Variants in DRC11 observed in about 807,000 individuals in gnomAD.
DRC11 encodes the protein IQ and AAA domain-containing protein 1.
the DRC11 span, among the ~76,000 whole-genome samples, chr2:236,437,862 G>A: frequency 6.7e-6 from 1 of 148,216 alleles, no homozygotes; most frequent in Non-Finnish European, 1.5e-5. Flanking sequence ...AGATGAGTAG[G>A]TTGCGAAAAT....
At chr2:236,391,097 A>G in the DRC11 span, 1 of 152,254 alleles carries the variant, frequency 6.6e-6, no homozygotes, top group African/African-American at 2.4e-5. This position sits in a 1 kb window ranked among gnomAD's most constrained non-coding sequence, Gnocchi z 4.5. Flanking sequence ...TTGTGAAGTT[A>G]CTTTCATCTA....
At chr2:236,460,993 T>C in the DRC11 span, among the ~76,000 whole-genome samples, 1 of 152,178 alleles carries the variant, frequency 6.6e-6, no homozygotes, top group Non-Finnish European at 1.5e-5. The surrounding 1 kb of genome is among the most constrained non-coding windows in gnomAD (Gnocchi z 4.0). Flanking sequence ...TGACCTCAGG[T>C]GATCTGCCTG....
chr2:236,388,327 A>G, the DRC11 span, among the ~76,000 whole-genome samples: 5 of 147,302 alleles, frequency 3.4e-5, no homozygotes, highest in African/African-American at 1.2e-4. Context: ...GTCTTTTCAC[A>G]TAGTCCCATA....
chr2:236,408,471 T>G, the DRC11 span: 1 of 739,346 alleles, frequency 1.4e-6, no homozygotes, highest in Non-Finnish European at 2.5e-6. The surrounding 1 kb of genome is among the most constrained non-coding windows in gnomAD (Gnocchi z 5.5). Context: ...TGGGCTGCTC[T>G]AGCCTCTCCC....
the DRC11 span, among the ~76,000 whole-genome samples, chr2:236,389,599 G>T: frequency 2.0e-5 from 3 of 152,182 alleles, no homozygotes; most frequent in African/African-American, 7.2e-5. Context: ...TACCTCAGAT[G>T]GAAATGCAGA....
At chr2:236,368,010 C>T in the DRC11 span, 3 of 636,504 alleles carry the variant, frequency 4.7e-6, no homozygotes, top group Non-Finnish European at 8.6e-6. Flanking sequence ...GAAGTGCTCT[C>T]CCTGGTAGTA....
At chr2:236,383,764 C>T in the DRC11 span, among the ~76,000 whole-genome samples, 1 of 151,990 alleles carries the variant, frequency 6.6e-6, no homozygotes, top group Non-Finnish European at 1.5e-5. Context: ...GCTGCACCCA[C>T]TAACGCATCA....
At chr2:236,500,402 C>G in the DRC11 span, among the ~76,000 whole-genome samples, 2 of 152,046 alleles carry the variant, frequency 1.3e-5, no homozygotes, top group Admixed American at 6.6e-5. This position sits in a 1 kb window ranked among gnomAD's most constrained non-coding sequence, Gnocchi z 6.3. Context: ...AGGAGGGGTC[C>G]CGTGACACAG....
the DRC11 span, among the ~76,000 whole-genome samples, chr2:236,383,934 G>A: frequency 6.6e-6 from 1 of 150,906 alleles, no homozygotes; most frequent in Non-Finnish European, 1.5e-5. Flanking sequence ...TTGTTCTTGC[G>A]ATAGTTTACT....
the DRC11 span, among the ~76,000 whole-genome samples, chr2:236,458,994 G>A: frequency 2.6e-5 from 4 of 152,236 alleles, no homozygotes; most frequent in South Asian, 2.1e-4. Context: ...GTAGTCAGCC[G>A]AGATCGCACC....
the DRC11 span, among the ~76,000 whole-genome samples, chr2:236,469,896 G>A: frequency 6.6e-6 from 1 of 152,294 alleles, no homozygotes; most frequent in South Asian, 2.1e-4. This position sits in a 1 kb window ranked among gnomAD's most constrained non-coding sequence, Gnocchi z 5.8. Flanking sequence ...TACATCAGCT[G>A]TAGAATAATG....
the DRC11 span, among the ~76,000 whole-genome samples, chr2:236,321,656 G>T: frequency 6.6e-6 from 1 of 152,182 alleles, no homozygotes; most frequent in East Asian, 1.9e-4. Flanking sequence ...CAGAGGAGGG[G>T]CTGGCTGACA....
chr2:236,374,087 T>C, the DRC11 span, among the ~76,000 whole-genome samples: 1 of 152,292 alleles, frequency 6.6e-6, no homozygotes, highest in East Asian at 1.9e-4. Flanking sequence ...CCACTGCACA[T>C]TACCTGGCCC....
chr2:236,472,881 A>G, the DRC11 span, among the ~76,000 whole-genome samples: 14 of 152,174 alleles, frequency 9.2e-5, 1 homozygote, highest in South Asian at 1.0e-3. The surrounding 1 kb of genome is among the most constrained non-coding windows in gnomAD (Gnocchi z 4.6). Context: ...CTGTCCCCCA[A>G]TCCCATGCCT....
At chr2:236,374,254 T>G in the DRC11 span, among the ~76,000 whole-genome samples, 3 of 152,148 alleles carry the variant, frequency 2.0e-5, no homozygotes, top group Admixed American at 1.3e-4. Context: ...TCTATTTTAC[T>G]ATGTGGGGAT....
chr2:236,362,440 TAATG>T, the DRC11 span, among the ~76,000 whole-genome samples: 1 of 152,198 alleles, frequency 6.6e-6, no homozygotes, highest in African/African-American at 2.4e-5. The surrounding 1 kb of genome is among the most constrained non-coding windows in gnomAD (Gnocchi z 5.7). Context: ...CACTTCCACT[TAATG>T]AATAGTAAAT....
chr2:236,491,218 A>AGT, the DRC11 span, among the ~76,000 whole-genome samples: 3 of 42,584 alleles, frequency 7.0e-5, no homozygotes, highest in African/African-American at 3.1e-4. Flanking sequence ...ATATACACAC[A>AGT]GTATATATAT....
chr2:236,457,979 CA>C, the DRC11 span, among the ~76,000 whole-genome samples: 1 of 152,238 alleles, frequency 6.6e-6, no homozygotes, highest in Non-Finnish European at 1.5e-5. The surrounding 1 kb of genome is among the most constrained non-coding windows in gnomAD (Gnocchi z 4.7). Flanking sequence ...TAAAGCACTT[CA>C]AATTCCTGGT....
At chr2:236,474,889 T>C in the DRC11 span, among the ~76,000 whole-genome samples, 1 of 152,184 alleles carries the variant, frequency 6.6e-6, no homozygotes, top group Admixed American at 6.5e-5. Context: ...TACGTGATAT[T>C]TGGATATATT....
Sources: allele counts gnomAD v4.1 joint callset (sites outside exome capture counted in the v4.1 genomes callset), GRCh38; gene constraint gnomAD v4.1.1; non-coding constraint Gnocchi (gnomAD v3.1); transcripts MANE v1.5; gene names NCBI Gene and HGNC (gene_info 2026-07-23, HGNC 2026-07-21).